SEC11A: variants seen among roughly 807,000 people sequenced by gnomAD.
SEC11A encodes the protein SEC11 homolog A, signal peptidase complex subunit, also known as signal peptidase complex catalytic subunit SEC11A.
Under a neutral mutation model 25.6 loss-of-function variants are expected in SEC11A, and 14 were observed. That is an observed-to-expected ratio of 0.55 (90% confidence interval 0.36 to 0.85). The LOEUF is 0.85. SEC11A is among the 40% of genes least tolerant of loss of function. SEC11A has a pLI of 0.01. For synonymous variants in SEC11A, 83 were observed against 76.4 expected (o/e 1.09, Z -0.45); for missense variants, 153 against 222.9 (o/e 0.69, Z 2.00).
chr15:84,678,015 G>A (rs1455447557), intron 4 of SEC11A, among the ~76,000 whole-genome samples: 5 of 152,072 alleles, frequency 3.3e-5, no homozygotes, highest in Admixed American at 6.6e-5. Context: ...GGCCAACATG[G>A]CGAAAACCCA....
At chr15:84,691,073 C>CTTTTT (rs199982469) in intron 2 of SEC11A, among the ~76,000 whole-genome samples, 2 of 132,984 alleles carry the variant, frequency 1.5e-5, no homozygotes, top group African/African-American at 2.8e-5. Flanking sequence ...TCTTTTCTCT[C>CTTTTT]TTTTTTTTTT....
At chr15:84,697,631 T>G (rs1897806849) in intron 1 of SEC11A, among the ~76,000 whole-genome samples, 1 of 152,184 alleles carries the variant, frequency 6.6e-6, no homozygotes, top group Admixed American at 6.6e-5. Context: ...CTTTTTACCC[T>G]CTCTTTTCCT....
At chr15:84,679,823 A>C in intron 4 of SEC11A, 1 of 717,842 alleles carries the variant, frequency 1.4e-6, no homozygotes, top group Non-Finnish European at 2.3e-6. Context: ...AAGCACTTAG[A>C]ATGAGTCTCT....
intron 4 of SEC11A, among the ~76,000 whole-genome samples, chr15:84,676,660 G>A (rs1208498169): frequency 6.6e-6 from 1 of 150,688 alleles, no homozygotes; most frequent in Non-Finnish European, 1.5e-5. Flanking sequence ...TACTCAGGAA[G>A]CTGTAATCCC....
chr15:84,709,971 G>A (rs1436400962), intron 1 of SEC11A, among the ~76,000 whole-genome samples: 2 of 151,990 alleles, frequency 1.3e-5, no homozygotes, highest in Non-Finnish European at 2.9e-5. Context: ...TCAAACTCCT[G>A]GGCTCAAGCG....
chr15:84,705,782 G>A (rs977614823), intron 1 of SEC11A, among the ~76,000 whole-genome samples: 3 of 151,498 alleles, frequency 2.0e-5, no homozygotes, highest in Non-Finnish European at 4.4e-5. Flanking sequence ...TTGAACCCAG[G>A]AGGCAGAAGT....
chr15:84,714,869 A>ATT (rs1898407898), intron 1 of SEC11A: 1 of 152,232 alleles, frequency 6.6e-6, no homozygotes, highest in African/African-American at 2.4e-5. Context: ...CATTGTACCT[A>ATT]GCATAGAGTA....
intron 4 of SEC11A, among the ~76,000 whole-genome samples, chr15:84,680,420 C>G (rs1897257416): frequency 6.6e-6 from 1 of 152,222 alleles, no homozygotes; most frequent in South Asian, 2.1e-4. Flanking sequence ...CCCACTATTT[C>G]TTGAGTGAAC....
At chr15:84,687,178 GGTTTT>G (rs916638576) in intron 3 of SEC11A, among the ~76,000 whole-genome samples, 2 of 151,770 alleles carry the variant, frequency 1.3e-5, no homozygotes, top group Middle Eastern at 3.4e-3. Flanking sequence ...GGCCTTTTTT[GGTTTT>G]GTTTTGTTTT....
intron 4 of SEC11A, among the ~76,000 whole-genome samples, chr15:84,675,368 G>A (rs1327594064): frequency 6.6e-6 from 1 of 152,056 alleles, no homozygotes; most frequent in East Asian, 1.9e-4. Context: ...TTAGACAAAA[G>A]GCCAAACAAA....
chr15:84,693,402 C>T (rs1178633252), intron 1 of SEC11A, among the ~76,000 whole-genome samples: 6 of 148,850 alleles, frequency 4.0e-5, no homozygotes, highest in Non-Finnish European at 7.4e-5. Context: ...ACTGGGGAAA[C>T]TCAAAATATG....
At chr15:84,676,608 A>C (rs1407917089) in intron 4 of SEC11A, among the ~76,000 whole-genome samples, 2 of 151,554 alleles carry the variant, frequency 1.3e-5, no homozygotes, top group Non-Finnish European at 2.9e-5. Context: ...CCCTGTTTCT[A>C]CTGAAAATAC....
intron 1 of SEC11A, among the ~76,000 whole-genome samples, chr15:84,699,040 A>T (rs1871141314): frequency 6.6e-6 from 1 of 152,062 alleles, no homozygotes; most frequent in South Asian, 2.1e-4. Flanking sequence ...CCTGGCCAGG[A>T]GTGGTGGCTC....
intron 3 of SEC11A, chr15:84,686,780 C>G (rs1053669313): frequency 1.3e-5 from 2 of 152,216 alleles, no homozygotes; most frequent in African/African-American, 4.8e-5. Context: ...CTCACTGCAG[C>G]CTCAAACTCC....
intron 4 of SEC11A, among the ~76,000 whole-genome samples, chr15:84,679,038 T>A (rs1439619260): frequency 6.6e-6 from 1 of 151,866 alleles, no homozygotes; most frequent in East Asian, 1.9e-4. Context: ...TATTTTTATC[T>A]CTACACACAA....
chr15:84,709,101 C>G (rs1446324494), intron 1 of SEC11A, among the ~76,000 whole-genome samples: 1 of 151,998 alleles, frequency 6.6e-6, no homozygotes, highest in Non-Finnish European at 1.5e-5. Context: ...AAAATCTCAG[C>G]AAGCAGAGAA....
At position 84,702,902 on chromosome 15, in the gene SEC11A, T is replaced by C. The variant is rs933515064; in HGVS notation, c.52-11258A>G. 1.3e-5 allele frequency among the ~76,000 whole-genome samples: 2 copies of C among 152,150 alleles called. 1 individual carries two copies. The highest frequency in any genetic ancestry group is 2.9e-5 in the Non-Finnish European group (2 of 68,034). ...AGTGAATACTCCCCAACTTACTCTA[T>C]TTATTTAGTAAGCCCATTTTAAGCC... On this transcript the variant is annotated intron_variant, in intron 1 of 5. Coordinates refer to ENST00000268220, the MANE Select transcript of SEC11A (RefSeq NM_014300.4).
At chr15:84,692,902 G>A (rs1334153022) in intron 1 of SEC11A, among the ~76,000 whole-genome samples, 1 of 152,184 alleles carries the variant, frequency 6.6e-6, no homozygotes, top group Admixed American at 6.5e-5. Flanking sequence ...CTGGAGTGCA[G>A]TGGCACAATC....
At position 84,716,088 on chromosome 15, in the gene SEC11A, G is replaced by T. The variant is rs377544649; in HGVS notation, c.-13C>A. ...CTAGAGACAGCATGGCGGGGACGGC[G>T]AGCAGGACACCGGCAGGGGAAAGGG... is the stretch of plus-strand genomic sequence containing the variant. On this transcript the variant is annotated 5_prime_UTR_variant, in exon 1 of 6. Transcript: ENST00000268220. The T allele has an allele frequency of 2.9e-4, 475 of 1,613,130 alleles. No homozygotes were observed. The highest frequency in any genetic ancestry group is 3.7e-4 in the Non-Finnish European group (439 of 1,179,514).
Sources: gnomAD v4.1 joint callset for allele counts (sites outside exome capture counted in the v4.1 genomes callset) on GRCh38, gnomAD v4.1.1 for gene constraint, MANE v1.5 for transcripts, NCBI Gene and HGNC (gene_info 2026-07-23, HGNC 2026-07-21) for gene names.